Variants in GRIP1 observed in about 807,000 individuals in gnomAD.
The protein encoded by GRIP1 is glutamate receptor-interacting protein 1.
In GRIP1, 45 loss-of-function variants were observed where a neutral mutation model predicts 129.9. The ratio of observed to expected loss-of-function variants is 0.35; its 90% confidence interval spans 0.27 to 0.44. The LOEUF (loss-of-function observed/expected upper bound fraction) is 0.44. GRIP1 is among the 20% of genes least tolerant of loss of function. The pLI, the probability that GRIP1 is intolerant of heterozygous loss-of-function variation, is 1.00. For missense variants in GRIP1, 1,196 were observed against 1,396.8 expected, an observed-to-expected ratio of 0.86 and a Z score of 2.29; for synonymous variants, 530 against 520.8, an observed-to-expected ratio of 1.02 and a Z score of -0.24.
intron 1 of GRIP1, among the ~76,000 whole-genome samples, chr12:67,064,805 GGTTA>G (rs2043593866): frequency 6.6e-6 from 1 of 151,822 alleles, no homozygotes; most frequent in South Asian, 2.1e-4. Context: ...ACAATGTGCA[GGTTA>G]GTTACATATG....
At chr12:66,534,207 T>C (rs892428120) in intron 4 of GRIP1, among the ~76,000 whole-genome samples, 26 of 152,234 alleles carry the variant, frequency 1.7e-4, no homozygotes, top group Non-Finnish European at 3.1e-4. Flanking sequence ...TTCACACTTT[T>C]GTGTTTAAAA....
chr12:66,599,484 G>C (rs938776911), intron 1 of GRIP1, among the ~76,000 whole-genome samples: 1 of 152,142 alleles, frequency 6.6e-6, no homozygotes, highest in Admixed American at 6.6e-5. Context: ...AAATACCTTA[G>C]AGGCACCATG....
intron 14 of GRIP1, among the ~76,000 whole-genome samples, chr12:66,425,327 G>A (rs2057944865): frequency 2.6e-5 from 4 of 152,104 alleles, no homozygotes; most frequent in Admixed American, 2.6e-4. Context: ...GAAACAACAG[G>A]TGCTGGAGAG....
intron 1 of GRIP1, among the ~76,000 whole-genome samples, chr12:66,755,295 A>C (rs970051093): frequency 6.6e-6 from 1 of 152,190 alleles, no homozygotes; most frequent in Non-Finnish European, 1.5e-5. Context: ...TATGTGATAA[A>C]TAACTAACTA....
rs1224417165 is a variant in GRIP1 at position 66,384,364 on chromosome 12, G to T, written c.2465-4928C>A. Among the ~76,000 whole-genome samples the T allele has an allele frequency of 2.0e-5, 3 of 152,266 alleles. 1 individual carries two copies. The highest frequency in any genetic ancestry group is 2.0e-4 in the Admixed American group (3 of 15,304). On this transcript the variant is annotated intron_variant, in intron 19 of 24. Transcript: ENST00000359742. Reference sequence around the variant, plus strand: ...CAATGGATTTGAAACCGATTAAGAGGTTAATTAACATATCAAAATACCTAG... The same window carrying T: ...CAATGGATTTGAAACCGATTAAGAGTTTAATTAACATATCAAAATACCTAG...
intron 5 of GRIP1, among the ~76,000 whole-genome samples, chr12:66,521,377 C>G (rs1565821439): frequency 6.6e-6 from 1 of 152,164 alleles, no homozygotes; most frequent in Non-Finnish European, 1.5e-5. Context: ...CTCTTTTATT[C>G]TTTGATGCAT....
intron 1 of GRIP1, among the ~76,000 whole-genome samples, chr12:66,661,485 G>C (rs2033505345): frequency 6.9e-6 from 1 of 144,406 alleles, no homozygotes; most frequent in African/African-American, 2.6e-5. Flanking sequence ...GTGGAGGGGA[G>C]ATGGGAAAAA....
chr12:66,830,945 C>T (rs971510232), intron 1 of GRIP1, among the ~76,000 whole-genome samples: 2 of 151,682 alleles, frequency 1.3e-5, no homozygotes, highest in Non-Finnish European at 2.9e-5. Flanking sequence ...CTCCTGGGCT[C>T]AAGCAATCCT....
intron 1 of GRIP1, among the ~76,000 whole-genome samples, chr12:66,920,193 G>A (rs761843285): frequency 2.6e-5 from 4 of 152,136 alleles, no homozygotes; most frequent in Non-Finnish European, 5.9e-5. Context: ...TGACGAACCT[G>A]TATTAAATAA....
chr12:66,508,575 C>T (rs772918626), intron 7 of GRIP1, among the ~76,000 whole-genome samples: 2 of 151,852 alleles, frequency 1.3e-5, no homozygotes, highest in Non-Finnish European at 2.9e-5. Flanking sequence ...TGACCTGGGC[C>T]GGTACTATAG....
At chr12:67,046,558 AC>A (rs1269612177) in intron 1 of GRIP1, among the ~76,000 whole-genome samples, 1 of 152,290 alleles carries the variant, frequency 6.6e-6, no homozygotes, top group South Asian at 2.1e-4. Flanking sequence ...TCAAAACAAA[AC>A]TTTCTGACCT....
chr12:66,924,336 T>G (rs1025546642), intron 1 of GRIP1, among the ~76,000 whole-genome samples: 2 of 152,180 alleles, frequency 1.3e-5, no homozygotes, highest in Admixed American at 6.5e-5. Flanking sequence ...GAAGGCACTA[T>G]ACATTAAACA....
intron 2 of GRIP1, among the ~76,000 whole-genome samples, chr12:66,584,738 ATTAG>A (rs1017324507): frequency 4.6e-5 from 7 of 152,088 alleles, no homozygotes; most frequent in African/African-American, 1.4e-4. Flanking sequence ...AGAGGGGTCT[ATTAG>A]TTAGCGCTAT....
intron 7 of GRIP1, among the ~76,000 whole-genome samples, chr12:66,494,715 C>T (rs369985583): frequency 6.6e-6 from 1 of 150,678 alleles, no homozygotes. Context: ...TCTAAAAAAA[C>T]AAATTAAAAA....
At chr12:66,840,730 C>T (rs1023440356) in intron 1 of GRIP1, among the ~76,000 whole-genome samples, 1 of 152,108 alleles carries the variant, frequency 6.6e-6, no homozygotes, top group East Asian at 1.9e-4. Context: ...GAACAAGAGT[C>T]CCCAAACTCT....
At chr12:66,645,094 T>C (rs979372723) in intron 1 of GRIP1, among the ~76,000 whole-genome samples, 1 of 152,208 alleles carries the variant, frequency 6.6e-6, no homozygotes, top group Non-Finnish European at 1.5e-5. Context: ...AGTTTTATCA[T>C]GGTATCTTTT....
chr12:66,903,502 T>A (rs1177379551), intron 1 of GRIP1, among the ~76,000 whole-genome samples: 1 of 151,910 alleles, frequency 6.6e-6, no homozygotes, highest in Non-Finnish European at 1.5e-5. Context: ...AGATAAATTA[T>A]TTTTTAAAGA....
intron 1 of GRIP1, among the ~76,000 whole-genome samples, chr12:67,024,556 G>A (rs1826452447): frequency 2.0e-5 from 3 of 152,052 alleles, no homozygotes; most frequent in Admixed American, 2.0e-4. Flanking sequence ...GTAAGTCAAG[G>A]CCTGCCTATG....
At chr12:66,431,958 A>G (rs2137961185) in intron 14 of GRIP1, among the ~76,000 whole-genome samples, 1 of 152,306 alleles carries the variant, frequency 6.6e-6, no homozygotes. Flanking sequence ...GGATTTACTT[A>G]AAGTAAGAGA....
Sources: gnomAD v4.1 joint callset for allele counts (sites outside exome capture counted in the v4.1 genomes callset) on GRCh38, gnomAD v4.1.1 for gene constraint, MANE v1.5 for transcripts, NCBI Gene and HGNC (gene_info 2026-07-23, HGNC 2026-07-21) for gene names.